Variants in HMMR observed in about 807,000 individuals in gnomAD.
HMMR encodes the protein hyaluronan mediated motility receptor, also known as intracellular hyaluronic acid-binding protein.
HMMR carries 108 observed loss-of-function variants against 101.0 expected under a neutral mutation model. The observed-to-expected ratio is 1.07, with a 90% CI of 0.92 to 1.25. HMMR has a LOEUF of 1.25. Among genes scored for constraint, HMMR ranks in the 50% most tolerant of loss-of-function variants. The pLI is 0.00. For synonymous variants in HMMR, 296 were observed against 276.4 expected, an observed-to-expected ratio of 1.07 and a Z score of -0.70; for missense variants, 813 against 788.7, an observed-to-expected ratio of 1.03 and a Z score of -0.37.
intron 3 of HMMR, among the ~76,000 whole-genome samples, chr5:163,465,989 C>T (rs1025140108): frequency 6.7e-6 from 1 of 148,152 alleles, no homozygotes; most frequent in Non-Finnish European, 1.5e-5. Context: ...GACAGCCGGG[C>T]ACAGTAGCTC....
rs1300474918 is a variant in HMMR at position 163,483,150 on chromosome 5, C to T, written c.1663C>T (p.Gln555Ter). ...LKQQEEDFRK[Q>*]LEDEEGRKAE... ...GCAACAGGAGGAAGACTTTAGAAAACAGCTGGAAGATGAAGAAGGAAGGTA... is the reference window on the plus strand; with the variant it reads ...GCAACAGGAGGAAGACTTTAGAAAATAGCTGGAAGATGAAGAAGGAAGGTA... The change falls in exon 14 of 18, where the codon CAG (glutamine) becomes TAG (stop). Residue 555 changes from glutamine (Q) to a stop codon, truncating the protein, a stop_gained. Transcript: ENST00000393915. LOFTEE classifies it high-confidence loss of function. The T allele has an allele frequency of 6.2e-6, 10 of 1,611,234 alleles. No individual in the cohort carries two copies. In the African/African-American group the frequency reaches 1.2e-4, roughly 19 times the overall value.
chr5:163,485,256 G>A (rs2113513931), intron 16 of HMMR, among the ~76,000 whole-genome samples: 1 of 152,244 alleles, frequency 6.6e-6, no homozygotes, highest in South Asian at 2.1e-4. Context: ...GAAAGGTCAG[G>A]CTGTATTCAA....
intron 16 of HMMR, among the ~76,000 whole-genome samples, chr5:163,487,022 A>C (rs938553087): frequency 6.6e-6 from 1 of 152,208 alleles, no homozygotes; most frequent in African/African-American, 2.4e-5. Context: ...GTGAACCGAG[A>C]TGGAGCCATT....
chr5:163,467,854 G>A, intron 4 of HMMR, 106 bp downstream of exon 4: 1 of 673,422 alleles, frequency 1.5e-6, no homozygotes. Flanking sequence ...CTGCAGTGAG[G>A]CAAACATGCC....
In HMMR at chr5:163,478,748, A is replaced by G; in HGVS notation, c.1333A>G (p.Lys445Glu). 1.2e-6 allele frequency: 2 copies of G among 1,613,464 alleles called. No individual in the cohort carries two copies. Among genetic ancestry groups the G allele is most frequent in the Non-Finnish European group, 1.7e-6 (2 of 1,179,420 alleles). Residue 445 changes from lysine (K) to glutamate (E), a missense_variant, in exon 12 of 18, where the codon AAG (lysine) becomes GAG (glutamate). Physicochemically the swap from Lys to Glu is moderately conservative, Grantham distance 56. Transcript: ENST00000393915. ...CCAGGCCACCCTGCTTTTGCAGGAAAAGTATGACAGTATGGTGCAAAGCCT... is the reference window on the plus strand; with the variant it reads ...CCAGGCCACCCTGCTTTTGCAGGAAGAGTATGACAGTATGGTGCAAAGCCT... ...HTQATLLLQE[K>E]YDSMVQSLED... is the part of the protein sequence containing the mutation.
intron 1 of HMMR, among the ~76,000 whole-genome samples, chr5:163,462,827 CAAAAAAAA>C (rs72118799): frequency 3.3e-4 from 23 of 70,706 alleles, no homozygotes; most frequent in South Asian, 5.8e-4. Context: ...GACTCCGTCT[CAAAAAAAA>C]AAAAAAAAAA....
At position 163,491,620 on chromosome 5, in the gene HMMR, T is replaced by C. The variant is rs1006004697; in HGVS notation, c.*456T>C. 2.0e-5 allele frequency: 3 copies of C among 152,454 alleles called. No individual in the cohort carries two copies. The highest frequency in any genetic ancestry group is 7.2e-5 in the African/African-American group (3 of 41,470). 9.4% of individuals were successfully genotyped at this position (152,454 alleles called of 1,614,324 possible). A position where few individuals can be genotyped will look rare whatever the true frequency, so the allele number is the denominator to read the frequency against. ...CACTTGGTCCTACCTATTATCCTTC[T>C]ACTTGTCCAGTTCAAATAAGAAATA... On this transcript the variant is annotated 3_prime_UTR_variant, in exon 18 of 18. Coordinates refer to ENST00000393915, the MANE Select transcript of HMMR (RefSeq NM_001142556.2).
Position 163,484,246 on chromosome 5 carries a change from G to A in HMMR, c.1962+1G>A. On this transcript the variant is annotated splice_donor_variant, in intron 16 of 17. Coordinates refer to ENST00000393915, the MANE Select transcript of HMMR (RefSeq NM_001142556.2). LOFTEE classifies it high-confidence loss of function. ...AGATGAAAATAGCCAACTCAAATCG[G>A]TTTGTAAAATGACTTTTCATTTTAT... The A allele has an allele frequency of 1.3e-6, 2 of 1,559,048 alleles. No homozygotes were observed. The highest frequency in any genetic ancestry group is 1.7e-6 in the Non-Finnish European group (2 of 1,143,048).
intron 1 of HMMR, 63 bp from the exon 2 acceptor site, chr5:163,463,793 A>T (rs1041669572): frequency 1.2e-4 from 74 of 614,800 alleles, no homozygotes; most frequent in Non-Finnish European, 1.8e-4. Context: ...TTATTATGAC[A>T]TGTTTTAACT....
chr5:163,465,438 G>A (rs918147338), intron 3 of HMMR, among the ~76,000 whole-genome samples: 1 of 152,096 alleles, frequency 6.6e-6, no homozygotes, highest in Non-Finnish European at 1.5e-5. Flanking sequence ...AGGCTCAAGC[G>A]ATTCTCCTGC....
chr5:163,482,921 A>T (rs1456377675), intron 13 of HMMR, 99 bp from the exon 14 acceptor site: 2 of 1,347,556 alleles, frequency 1.5e-6, no homozygotes, highest in African/African-American at 2.9e-5. Context: ...AAAAAATGAC[A>T]CTTCTTGAAG....
At chr5:163,474,424 T>C (rs1217423953) in intron 10 of HMMR, 1 of 529,952 alleles carries the variant, frequency 1.9e-6, no homozygotes, top group South Asian at 1.8e-5. Context: ...TGACAACAGA[T>C]ACAGCAAAAT....
At chr5:163,483,432 G>A (rs299308) in intron 15 of HMMR, 65 bp downstream of exon 15, 203,384 of 843,484 alleles carry the variant, frequency 0.24, 24,915 homozygotes, top group South Asian at 0.28. Flanking sequence ...CCCTATTATA[G>A]TGAGGACAGT....
At position 163,471,210 on chromosome 5, in the gene HMMR, A is replaced by T. The variant is rs1758877604; in HGVS notation, c.488A>T (p.Asn163Ile). 1 of 1,610,804 alleles carries T rather than the reference A, an allele frequency of 6.2e-7. No homozygotes were observed. Among genetic ancestry groups the T allele is most frequent in the East Asian group, 2.2e-5 (1 of 44,858 alleles). Residue 163 changes from asparagine to isoleucine, a missense_variant, in exon 6 of 18, where the codon AAT (asparagine) becomes ATT (isoleucine). Asn to Ile is a moderately radical substitution (Grantham distance 149, BLOSUM62 -3). Coordinates refer to ENST00000393915, the MANE Select transcript of HMMR (RefSeq NM_001142556.2). ...TTTTCTGAAAATGGTAACCAGAAGAATTTGAGAATTCTAAGCTTGGAGTTG... is the reference window on the plus strand; with the variant it reads ...TTTTCTGAAAATGGTAACCAGAAGATTTTGAGAATTCTAAGCTTGGAGTTG... ...SKFSENGNQK[N>I]LRILSLELMK...
chr5:163,469,992 AC>A, intron 5 of HMMR, 163 bp downstream of exon 5: 4 of 481,416 alleles, frequency 8.3e-6, no homozygotes, highest in Non-Finnish European at 1.5e-5. Flanking sequence ...ACATGGAGAA[AC>A]CCTGTCTCTA....
At position 163,475,731 on chromosome 5, in the gene HMMR, C is replaced by CT. The variant is rs1759050158; in HGVS notation, c.1268+66dup. ...ACTTCAGATGTATTTATTTTGAGTA[C>CT]TTTTTTTAGTATTCTCTTATCAATC... On this transcript the variant is annotated intron_variant, in intron 11 of 17. Coordinates refer to ENST00000393915, the MANE Select transcript of HMMR (RefSeq NM_001142556.2). 6.4e-6 allele frequency: 5 copies of CT among 784,686 alleles called. No homozygotes were observed. The East Asian group carries it at 8.5e-5, about 13-fold the overall frequency. 48.6% of individuals were successfully genotyped at this position (784,686 alleles called of 1,614,324 possible).
chr5:163,483,155 G>A lies in HMMR; in HGVS notation c.1668G>A (p.Leu556=), dbSNP rs1366271838. The A allele has an allele frequency of 2.5e-6, 4 of 1,610,818 alleles. No individual in the cohort carries two copies. Among genetic ancestry groups the A allele is most frequent in the Non-Finnish European group, 3.4e-6 (4 of 1,179,120 alleles). The change falls in exon 14 of 18, where the codon CTG becomes CTA. Residue 556 remains leucine, a synonymous_variant. Transcript: ENST00000393915. ...KQQEEDFRKQ[L]EDEEGRKAEK... ...AGGAGGAAGACTTTAGAAAACAGCTGGAAGATGAAGAAGGAAGGTAATCTA... is the reference window on the plus strand; with the variant it reads ...AGGAGGAAGACTTTAGAAAACAGCTAGAAGATGAAGAAGGAAGGTAATCTA...
chr5:163,475,598 G>A lies in HMMR; in HGVS notation c.1194G>A (p.Arg398=), dbSNP rs1399725395. 6.2e-7 allele frequency: 1 copy of A among 1,613,156 alleles called. No homozygotes were observed. Residue 398 remains arginine, a synonymous_variant, in exon 11 of 18, where the codon AGG becomes AGA. Coordinates refer to ENST00000393915, the MANE Select transcript of HMMR (RefSeq NM_001142556.2). ...AGCAAAAGGAGGAACAAGCTGAAAG[G>A]CTGGTCAAGCAATTGGAAGAGGAAG... ...KLQQKEEQAE[R]LVKQLEEEAK...
chr5:163,488,062 C>T (rs1033506072), intron 16 of HMMR, among the ~76,000 whole-genome samples: 3 of 152,116 alleles, frequency 2.0e-5, no homozygotes, highest in Non-Finnish European at 2.9e-5. Context: ...TGCCATGTTG[C>T]CCAGGCTGGT....
Sources: allele counts gnomAD v4.1 joint callset (sites outside exome capture counted in the v4.1 genomes callset), GRCh38; gene constraint gnomAD v4.1.1; transcripts MANE v1.5; gene names NCBI Gene and HGNC (gene_info 2026-07-23, HGNC 2026-07-21).